The following STARD13 variants were observed in gnomAD, a reference collection of about 807,000 sequenced individuals.
STARD13 encodes the protein StAR related lipid transfer domain containing 13.
Under a neutral mutation model 106.4 loss-of-function variants are expected in STARD13, and 62 were observed. The ratio of observed to expected loss-of-function variants is 0.58; its 90% CI spans 0.48 to 0.72. The LOEUF (loss-of-function observed/expected upper bound fraction) is 0.72, where lower values mean the gene tolerates loss of function less well. Among genes scored for constraint, STARD13 ranks in the 30% least tolerant of loss-of-function variants. The pLI is 0.00. For synonymous variants in STARD13, 565 were observed against 553.0 expected (o/e 1.02, Z -0.31); for missense variants, 1,387 against 1,424.0 (o/e 0.97, Z 0.42).
At chr13:33,565,200 T>C in the STARD13 span, among the ~76,000 whole-genome samples, 1,872 of 145,736 alleles carry the variant, frequency 0.013, 148 homozygotes, top group African/African-American at 0.045. Flanking sequence ...TAGAGAGTGA[T>C]TGGAGCTTAC....
chr13:33,542,926 G>A, the STARD13 span, among the ~76,000 whole-genome samples: 1 of 152,126 alleles, frequency 6.6e-6, no homozygotes, highest in Non-Finnish European at 1.5e-5. Flanking sequence ...CCTTTCTCCC[G>A]CCCTGGACGG....
chr13:33,639,873 T>C, the STARD13 span, among the ~76,000 whole-genome samples: 1 of 152,238 alleles, frequency 6.6e-6, no homozygotes, highest in Admixed American at 6.5e-5. Context: ...GAATCTATTC[T>C]AGTTGGTGGG....
intron 1 of STARD13, among the ~76,000 whole-genome samples, chr13:33,218,279 C>G (rs896725948): frequency 6.6e-6 from 1 of 152,042 alleles, no homozygotes. Context: ...ACGGCCTGTC[C>G]CATGGAATGT....
the STARD13 span, among the ~76,000 whole-genome samples, chr13:33,583,172 A>G: frequency 6.6e-6 from 1 of 152,204 alleles, no homozygotes; most frequent in African/African-American, 2.4e-5. Flanking sequence ...AAGTCAGTAG[A>G]CTTACTTTAC....
chr13:33,243,848 G>A (rs1889685710), intron 1 of STARD13, among the ~76,000 whole-genome samples: 1 of 152,114 alleles, frequency 6.6e-6, no homozygotes, highest in African/African-American at 2.4e-5. Flanking sequence ...AGGTATTTAA[G>A]CACTGGTTTA....
chr13:33,189,437 A>AAAG (rs1886070440), intron 1 of STARD13, among the ~76,000 whole-genome samples: 1 of 95,742 alleles, frequency 1.0e-5, no homozygotes, highest in Non-Finnish European at 2.4e-5. Context: ...CTCCTTTCGG[A>AAAG]GGAAGGAGGG....
chr13:33,381,295 AC>A, the STARD13 span, among the ~76,000 whole-genome samples: 1 of 152,060 alleles, frequency 6.6e-6, no homozygotes, highest in East Asian at 1.9e-4. Context: ...TTTGCTCCCT[AC>A]CCCCTACAAA....
At chr13:33,631,297 A>G in the STARD13 span, among the ~76,000 whole-genome samples, 1 of 152,256 alleles carries the variant, frequency 6.6e-6, no homozygotes, top group Non-Finnish European at 1.5e-5. Flanking sequence ...ACACCTATCT[A>G]TCTAAAACCA....
chr13:33,125,684 T>C (rs931116909), intron 7 of STARD13, among the ~76,000 whole-genome samples: 7 of 151,958 alleles, frequency 4.6e-5, no homozygotes, highest in African/African-American at 1.7e-4. Context: ...AAAGGAGGCA[T>C]GAAAAACCTA....
chr13:33,511,978 G>A, the STARD13 span, among the ~76,000 whole-genome samples: 1 of 152,154 alleles, frequency 6.6e-6, no homozygotes, highest in Non-Finnish European at 1.5e-5. Flanking sequence ...AAAGCTCAGA[G>A]GCACTTGTTT....
the STARD13 span, among the ~76,000 whole-genome samples, chr13:33,542,771 G>A: frequency 6.6e-6 from 1 of 152,248 alleles, no homozygotes; most frequent in African/African-American, 2.4e-5. Context: ...GAAGGGATCC[G>A]GTGACGCCTC....
chr13:33,189,440 A>G (rs1167611264), intron 1 of STARD13, among the ~76,000 whole-genome samples: 1 of 120,360 alleles, frequency 8.3e-6, no homozygotes, highest in African/African-American at 3.3e-5. Context: ...CTTTCGGAGG[A>G]AGGAGGGAAA....
chr13:33,550,826 T>TAGAA, the STARD13 span, among the ~76,000 whole-genome samples: 1 of 152,228 alleles, frequency 6.6e-6, no homozygotes, highest in African/African-American at 2.4e-5. Flanking sequence ...CATTAACTTC[T>TAGAA]GTTCATCACT....
the STARD13 span, among the ~76,000 whole-genome samples, chr13:33,621,470 G>T: frequency 6.6e-6 from 1 of 151,968 alleles, no homozygotes; most frequent in African/African-American, 2.4e-5. Flanking sequence ...CAGGTCAGGA[G>T]GTCAAGACCA....
chr13:33,364,165 T>C, the STARD13 span, among the ~76,000 whole-genome samples: 1 of 152,026 alleles, frequency 6.6e-6, no homozygotes. Flanking sequence ...AATGCTATCA[T>C]AGATTAACCC....
At chr13:33,312,525 G>A (rs188543895) in intron 1 of STARD13, among the ~76,000 whole-genome samples, 229 of 152,124 alleles carry the variant, frequency 1.5e-3, no homozygotes, top group African/African-American at 3.9e-3. Context: ...TGCTTGACTC[G>A]GGATGCAGGT....
chr13:33,292,660 A>T (rs1892340097), intron 1 of STARD13, among the ~76,000 whole-genome samples: 2 of 152,004 alleles, frequency 1.3e-5, no homozygotes, highest in African/African-American at 4.8e-5. Flanking sequence ...TTTAGTTCAC[A>T]GTTTCTTAAC....
chr13:33,517,903 GC>G, the STARD13 span, among the ~76,000 whole-genome samples: 1 of 151,680 alleles, frequency 6.6e-6, no homozygotes, highest in African/African-American at 2.4e-5. Flanking sequence ...AGAACCGCCT[GC>G]CCTGTCTCTG....
the STARD13 span, among the ~76,000 whole-genome samples, chr13:33,615,165 A>G: frequency 6.6e-6 from 1 of 152,182 alleles, no homozygotes; most frequent in Non-Finnish European, 1.5e-5. Flanking sequence ...AACAAAAGCA[A>G]TCCGCAAAAA....
Sources: gnomAD v4.1 joint callset for allele counts (sites outside exome capture counted in the v4.1 genomes callset) on GRCh38, gnomAD v4.1.1 for gene constraint, MANE v1.5 for transcripts, NCBI Gene and HGNC (gene_info 2026-07-23, HGNC 2026-07-21) for gene names.